Variants in CHODL observed in about 807,000 individuals in gnomAD.
CHODL encodes transmembrane protein MT75.
CHODL carries 29 observed loss-of-function variants against 34.5 expected under a neutral mutation model. The observed-to-expected ratio is 0.84, with a 90% CI of 0.63 to 1.15. The LOEUF (loss-of-function observed/expected upper bound fraction) is 1.15. CHODL is among the 50% of genes most tolerant of loss of function. The probability of loss-of-function intolerance (pLI) is 0.00; values close to 1 mark genes in which losing one functional copy is unlikely to be tolerated. For synonymous variants in CHODL, 125 were observed against 116.1 expected, an observed-to-expected ratio of 1.08 and a Z score of -0.49; for missense variants, 332 against 332.5, an observed-to-expected ratio of 1.00 and a Z score of 0.01.
At position 18,266,175 on chromosome 21, in the gene CHODL, T is replaced by TAA; in HGVS notation, c.*139_*140dup. The TAA allele has an allele frequency of 6.4e-7, 1 of 1,551,028 alleles. No individual in the cohort carries two copies. The highest frequency in any genetic ancestry group is 8.7e-7 in the Non-Finnish European group (1 of 1,145,748). On this transcript the variant is annotated 3_prime_UTR_variant, in exon 6 of 6. Coordinates refer to ENST00000299295, the MANE Select transcript of CHODL (RefSeq NM_024944.3). ...GTAAGCTCCCCCTTGAGGCAAATATTAAAGTAATTTTTATATGTCTATTAT... is the reference window on the plus strand; with the variant it reads ...GTAAGCTCCCCCTTGAGGCAAATATTAAAAAGTAATTTTTATATGTCTATTAT...
At chr21:18,165,733 TTCTA>T (rs2073144908) in intron 2 of CHODL, among the ~76,000 whole-genome samples, 1 of 152,200 alleles carries the variant, frequency 6.6e-6, no homozygotes, top group Non-Finnish European at 1.5e-5. Context: ...CACAAAAATA[TTCTA>T]TCTTTCAGTG....
chr21:18,248,891 A>G (rs2074190792), intron 1 of CHODL, among the ~76,000 whole-genome samples: 1 of 111,256 alleles, frequency 9.0e-6, no homozygotes, highest in Non-Finnish European at 1.6e-5. Context: ...TGTACCTATA[A>G]TATAATACAT....
intron 2 of CHODL, among the ~76,000 whole-genome samples, chr21:18,086,067 T>TC (rs869062629): frequency 2.0e-4 from 21 of 104,630 alleles, no homozygotes; most frequent in African/African-American, 8.8e-4. Flanking sequence ...TTTTTTTTTT[T>TC]GCCTGCTTGG....
Position 18,195,762 on chromosome 21 carries a change from G to A in CHODL, c.-44-60747G>A, listed in dbSNP as rs146595245. Among the ~76,000 whole-genome samples, 332 of 152,292 alleles carry A rather than the reference G, an allele frequency of 2.2e-3. 1 individual carries two copies. Among genetic ancestry groups the A allele is most frequent in the Non-Finnish European group, 2.9e-3 (200 of 68,024 alleles). On this transcript the variant is annotated intron_variant, in intron 2 of 6. Transcript: ENST00000400127. ...TAGAAAGCAAACTTAATGAAAGCAG[G>A]GAGGTTATATATTACCTGTATTGTT...
chr21:18,108,109 A>G (rs2065296401), intron 2 of CHODL, among the ~76,000 whole-genome samples: 1 of 151,588 alleles, frequency 6.6e-6, no homozygotes, highest in Non-Finnish European at 1.5e-5. Flanking sequence ...TTCTTGACCA[A>G]GAAACTCACT....
chr21:18,170,466 T>G (rs956114887), intron 2 of CHODL, among the ~76,000 whole-genome samples: 1 of 152,136 alleles, frequency 6.6e-6, no homozygotes, highest in Non-Finnish European at 1.5e-5. Flanking sequence ...TTCTATAAGT[T>G]TTATGTCTCT....
intron 1 of CHODL, among the ~76,000 whole-genome samples, chr21:17,947,692 G>C (rs778166069): frequency 1.8e-4 from 28 of 152,036 alleles, no homozygotes; most frequent in Non-Finnish European, 4.1e-4. Flanking sequence ...TTGGGAAAAA[G>C]AGAAAGTTTA....
intron 2 of CHODL, among the ~76,000 whole-genome samples, chr21:18,082,596 C>T (rs965155106): frequency 5.3e-5 from 8 of 152,092 alleles, no homozygotes; most frequent in African/African-American, 1.9e-4. Context: ...CAGTGAAGTC[C>T]AGGCTGAAGT....
intron 1 of CHODL, among the ~76,000 whole-genome samples, chr21:18,002,204 T>C (rs955975233): frequency 6.6e-6 from 1 of 152,234 alleles, no homozygotes; most frequent in Non-Finnish European, 1.5e-5. Flanking sequence ...ACTTGTTTTA[T>C]GGACATGTCA....
At chr21:18,050,231 AAGGG>A (rs1387443372) in intron 2 of CHODL, among the ~76,000 whole-genome samples, 5 of 152,010 alleles carry the variant, frequency 3.3e-5, no homozygotes, top group African/African-American at 1.2e-4. Context: ...AACTGGAAGA[AAGGG>A]AGGCTGAGGC....
intron 1 of CHODL, among the ~76,000 whole-genome samples, chr21:17,923,273 CT>C (rs1211941566): frequency 6.8e-6 from 1 of 146,190 alleles, no homozygotes; most frequent in Admixed American, 6.6e-5. Flanking sequence ...CTTTTTCTGC[CT>C]CTTTTTTTTT....
intron 2 of CHODL, among the ~76,000 whole-genome samples, chr21:18,064,473 G>A (rs1186992975): frequency 6.6e-6 from 1 of 152,186 alleles, no homozygotes; most frequent in Non-Finnish European, 1.5e-5. Flanking sequence ...TAGTTGTGTT[G>A]GTTAAAGGCT....
At position 18,195,311 on chromosome 21, in the gene CHODL, C is replaced by A. The variant is rs562995676; in HGVS notation, c.-44-61198C>A. On this transcript the variant is annotated intron_variant, in intron 2 of 6. Transcript: ENST00000400127. ...CCTCGTGATCTGCCTGCCTCGGCCTCCCAAAGTGCTGGGATTACAGGCGTG... is the reference window on the plus strand; with the variant it reads ...CCTCGTGATCTGCCTGCCTCGGCCTACCAAAGTGCTGGGATTACAGGCGTG... 5.3e-5 allele frequency among the ~76,000 whole-genome samples: 8 copies of A among 152,284 alleles called. No individual in the cohort carries two copies. In the East Asian group the frequency reaches 1.4e-3, roughly 26 times the overall value.
At chr21:18,199,574 TC>T (rs1213849947) in intron 2 of CHODL, among the ~76,000 whole-genome samples, 4 of 152,218 alleles carry the variant, frequency 2.6e-5, no homozygotes, top group African/African-American at 9.6e-5. Flanking sequence ...ATATCATATA[TC>T]CACCATTACC....
intron 2 of CHODL, among the ~76,000 whole-genome samples, chr21:18,223,092 A>T (rs2073899409): frequency 6.6e-6 from 1 of 152,198 alleles, no homozygotes; most frequent in South Asian, 2.1e-4. Flanking sequence ...AAGTAAAATG[A>T]TCCAGTGACT....
rs138294885 is a variant in CHODL, at chr21:18,206,863, CATTATTATTATT to C, written c.-44-49624_-44-49613del. 1.3e-3 allele frequency among the ~76,000 whole-genome samples: 195 copies of C among 146,084 alleles called. No individual in the cohort carries two copies. In the Middle Eastern group the frequency reaches 0.026, roughly 19 times the overall value. ...GGCTTGCAAATAATATCTTATAACC[CATTATTATTATT>C]ATTATTATTATTATTATTATTTTAT... On this transcript the variant is annotated intron_variant, in intron 2 of 6. Coordinates refer to the CHODL transcript ENST00000400127.
At chr21:18,211,333 C>G (rs546511512) in intron 2 of CHODL, among the ~76,000 whole-genome samples, 1 of 152,204 alleles carries the variant, frequency 6.6e-6, no homozygotes, top group South Asian at 2.1e-4. Context: ...TTGTTCAGAT[C>G]TGTACCTGTA....
At chr21:18,003,711 G>C (rs893770657) in intron 1 of CHODL, among the ~76,000 whole-genome samples, 1 of 151,912 alleles carries the variant, frequency 6.6e-6, no homozygotes, top group Non-Finnish European at 1.5e-5. Context: ...CTTTTTTAAA[G>C]AATTGAAGTT....
chr21:18,055,581 A>G (rs971856232), intron 2 of CHODL, among the ~76,000 whole-genome samples: 8 of 152,074 alleles, frequency 5.3e-5, no homozygotes, highest in Admixed American at 4.6e-4. Context: ...CGAGTAAAGT[A>G]TGAGAAAAAC....
Sources: gnomAD v4.1 joint callset for allele counts (sites outside exome capture counted in the v4.1 genomes callset) on GRCh38, gnomAD v4.1.1 for gene constraint, MANE v1.5 for transcripts, NCBI Gene and HGNC (gene_info 2026-07-23, HGNC 2026-07-21) for gene names.